The following GSE1 variants were observed in gnomAD, a reference collection of about 807,000 sequenced individuals.
The protein encoded by GSE1 is genetic suppressor element 1.
Under a neutral mutation model 112.6 loss-of-function variants are expected in GSE1, and 32 were observed. The observed-to-expected ratio is 0.28, with a 90% confidence interval of 0.21 to 0.38. The LOEUF (loss-of-function observed/expected upper bound fraction) is 0.38. GSE1 is among the 10% of genes least tolerant of loss of function. The pLI, the probability that GSE1 is intolerant of heterozygous loss-of-function variation, is 1.00. For synonymous variants in GSE1, 1,115 were observed against 735.6 expected, an observed-to-expected ratio of 1.52 and a Z score of -8.35; for missense variants, 2,348 against 1,699.2, an observed-to-expected ratio of 1.38 and a Z score of -6.71.
At position 85,661,535 on chromosome 16, in the gene GSE1, A is replaced by G; in HGVS notation, c.2030A>G (p.Glu677Gly). ...FLPGPGPFLA[E>G]LEKSTQTILG... ...CCCGGGCCCGGGCCCTTCCTGGCTG[A>G]GCTCGAGAAGTCCACCCAGACCATC... Residue 677 changes from glutamate (E) to glycine (G), a missense_variant, in exon 9 of 16, where the codon GAG becomes GGG. Glu to Gly is a moderately conservative substitution (Grantham distance 98, BLOSUM62 -2). Transcript: ENST00000253458. 6.2e-7 allele frequency: 1 copy of G among 1,611,890 alleles called. No homozygotes were observed. The highest frequency in any genetic ancestry group is 1.1e-5 in the South Asian group (1 of 91,022).
At chr16:85,182,171 C>A (rs946046818) in intron 1 of GSE1, among the ~76,000 whole-genome samples, 1 of 152,204 alleles carries the variant, frequency 6.6e-6, no homozygotes, top group Non-Finnish European at 1.5e-5. Flanking sequence ...CCCCGCCCCC[C>A]GCTGCCAGGA....
chr16:85,496,030 G>A (rs2051164861), intron 2 of GSE1, among the ~76,000 whole-genome samples: 4 of 152,218 alleles, frequency 2.6e-5, no homozygotes, highest in Non-Finnish European at 5.9e-5. Flanking sequence ...GGAACCTCGG[G>A]AATCGATTGT....
intron 2 of GSE1, among the ~76,000 whole-genome samples, chr16:85,382,137 C>T (rs531785892): frequency 5.9e-5 from 9 of 152,366 alleles, no homozygotes; most frequent in South Asian, 2.1e-4. Flanking sequence ...GTCACCCCCA[C>T]GCAATGTGGT....
intron 1 of GSE1, among the ~76,000 whole-genome samples, chr16:85,633,704 G>A (rs964209544): frequency 4.6e-5 from 7 of 152,156 alleles, no homozygotes; most frequent in Non-Finnish European, 1.0e-4. Flanking sequence ...GGGCCTCTTG[G>A]GTCTGTGCCG....
At position 85,603,272 on chromosome 16, in the gene GSE1, G is replaced by A. The variant is rs149617534; in HGVS notation, c.38-45280G>A. ...GGTCCACAGAGAGGGCACCGTGTCCGTGGAAGGGGGAGAGACGCCGAGTGG... is the reference window on the plus strand; with the variant it reads ...GGTCCACAGAGAGGGCACCGTGTCCATGGAAGGGGGAGAGACGCCGAGTGG... On this transcript the variant is annotated intron_variant, in intron 1 of 2. Coordinates refer to the GSE1 transcript ENST00000635906. Among the ~76,000 whole-genome samples, 288 of 152,334 alleles carry A rather than the reference G, an allele frequency of 1.9e-3. 4 individuals carry two copies. The highest frequency in any genetic ancestry group is 6.4e-3 in the African/African-American group (268 of 41,574).
chr16:85,288,386 C>T (rs2045105154), intron 1 of GSE1, among the ~76,000 whole-genome samples: 1 of 152,202 alleles, frequency 6.6e-6, no homozygotes, highest in African/African-American at 2.4e-5. Context: ...CCAACCTGGG[C>T]AGATGGGCAA....
chr16:85,357,069 G>T lies in GSE1; in HGVS notation c.2284-394G>T, dbSNP rs79656336. 5.4e-3 allele frequency among the ~76,000 whole-genome samples: 822 copies of T among 152,302 alleles called. 12 individuals are homozygous for T. The highest frequency in any genetic ancestry group is 0.019 in the African/African-American group (776 of 41,572). ...CAGAATAAACCTTGTCCCCACCACCGCCAGGGGACAGGACAAGGCTGGACC... is the reference window on the plus strand; with the variant it reads ...CAGAATAAACCTTGTCCCCACCACCTCCAGGGGACAGGACAAGGCTGGACC... On this transcript the variant is annotated intron_variant, in intron 1 of 2. Coordinates refer to the GSE1 transcript ENST00000637419.
At position 85,541,713 on chromosome 16, in the gene GSE1, G is replaced by A. The variant is rs528774238; in HGVS notation, c.2465-92201G>A. Among the ~76,000 whole-genome samples, 38 of 152,340 alleles carry A rather than the reference G, an allele frequency of 2.5e-4. 1 individual carries two copies. The highest frequency in any genetic ancestry group is 2.5e-3 in the South Asian group (12 of 4,830). On this transcript the variant is annotated intron_variant, in intron 2 of 2. Transcript: ENST00000637419. ...TGAAGGGCTGTCTGGAGGACAGAGC[G>A]GCAGGGATGGTGTTGATGAGCAGTA...
intron 2 of GSE1, among the ~76,000 whole-genome samples, chr16:85,644,957 C>G (rs1041359322): frequency 6.6e-6 from 1 of 151,922 alleles, no homozygotes; most frequent in Non-Finnish European, 1.5e-5. Context: ...TACAGAAAAG[C>G]GCCTAGACTG....
At chr16:85,187,081 G>A (rs1423534561) in intron 1 of GSE1, among the ~76,000 whole-genome samples, 2 of 152,204 alleles carry the variant, frequency 1.3e-5, no homozygotes, top group African/African-American at 2.4e-5. Context: ...CTGGGGAGTG[G>A]TCCTCCTTGA....
intron 1 of GSE1, among the ~76,000 whole-genome samples, chr16:85,562,034 T>A (rs2045543998): frequency 6.6e-6 from 1 of 152,234 alleles, no homozygotes; most frequent in South Asian, 2.1e-4. Context: ...TCATGGGACG[T>A]TAGCAAACCA....
chr16:85,482,039 C>T (rs541563748), intron 2 of GSE1, among the ~76,000 whole-genome samples: 603 of 152,368 alleles, frequency 4.0e-3, no homozygotes, highest in Admixed American at 6.7e-3. Flanking sequence ...GTCATTCGGC[C>T]TTTGGATTTC....
intron 2 of GSE1, among the ~76,000 whole-genome samples, chr16:85,543,155 T>G (rs7199816): frequency 4.0e-5 from 6 of 148,244 alleles, no homozygotes; most frequent in Admixed American, 2.8e-4. Context: ...GAGCTTACAG[T>G]GAGCCGAGAT....
intron 14 of GSE1, among the ~76,000 whole-genome samples, chr16:85,670,011 A>G (rs1002995699): frequency 3.3e-5 from 5 of 152,146 alleles, no homozygotes; most frequent in African/African-American, 9.7e-5. Context: ...ATTCACCCCA[A>G]AGAGTCCTGT....
In GSE1 at chr16:85,656,388, CGAGCGCGAGCGTGAGCGTGAGGCT is replaced by C; in HGVS notation, c.1038_1061del (p.Glu346_Ala353del). On this transcript the variant is annotated inframe_deletion, in exon 7 of 16. Transcript: ENST00000253458. ...TAAGGCGGGAGAGGGAGCGCGAGCG[CGAGCGCGAGCGTGAGCGTGAGGCT>C]GACCGCGAGCGGGAGAAGGAACGTG... is the stretch of plus-strand genomic sequence containing the variant. The C allele has an allele frequency of 6.4e-7, 1 of 1,560,192 alleles. No homozygotes were observed. The highest frequency in any genetic ancestry group is 8.7e-7 in the Non-Finnish European group (1 of 1,147,252).
intron 2 of GSE1, among the ~76,000 whole-genome samples, chr16:85,641,884 G>A (rs766232946): frequency 3.9e-5 from 6 of 152,252 alleles, no homozygotes; most frequent in Non-Finnish European, 5.9e-5. Flanking sequence ...CTCTGGCCGG[G>A]CTCCTTTCCA....
At chr16:85,548,243 AAAAG>A (rs796819003) in intron 2 of GSE1, among the ~76,000 whole-genome samples, 30,631 of 127,220 alleles carry the variant, frequency 0.24, 3,067 homozygotes, top group Middle Eastern at 0.38. Context: ...AAAAAAAAAA[AAAAG>A]AAAGAAAGAA....
chr16:85,241,851 C>T (rs4592642), intron 1 of GSE1, among the ~76,000 whole-genome samples: 26,832 of 152,030 alleles, frequency 0.18, 2,688 homozygotes, highest in Middle Eastern at 0.23. Flanking sequence ...ATCTCATGGC[C>T]TACACAATAG....
intron 2 of GSE1, among the ~76,000 whole-genome samples, chr16:85,358,096 G>A (rs995372152): frequency 2.0e-4 from 31 of 152,224 alleles, no homozygotes; most frequent in Admixed American, 1.8e-3. Flanking sequence ...GGGAGATGGC[G>A]CTGCCGTCCT....
Sources: allele counts gnomAD v4.1 joint callset (sites outside exome capture counted in the v4.1 genomes callset), GRCh38; gene constraint gnomAD v4.1.1; transcripts MANE v1.5; gene names NCBI Gene and HGNC (gene_info 2026-07-23, HGNC 2026-07-21).